KIF5A: variants seen among roughly 807,000 people sequenced by gnomAD.
KIF5A encodes the protein kinesin heavy chain isoform 5A.
A neutral mutation model predicts 141.3 loss-of-function variants in KIF5A; 35 were observed. The ratio of observed to expected loss-of-function variants is 0.25; its 90% CI spans 0.19 to 0.33. KIF5A has a LOEUF of 0.33. Ranked by LOEUF, KIF5A falls within the 10% of genes least tolerant of loss-of-function variation. The pLI, the probability that KIF5A is intolerant of heterozygous loss-of-function variation, is 1.00. For synonymous variants in KIF5A, 448 were observed against 500.2 expected (o/e 0.90, Z 1.39); for missense variants, 861 against 1,314.3 (o/e 0.66, Z 5.33).
rs1882301979 is a variant in KIF5A at position 57,572,922 on chromosome 12, G to C, written c.1716+196G>C. 6.6e-6 allele frequency among the ~76,000 whole-genome samples: 1 copy of C among 152,360 alleles called. No individual in the cohort carries two copies. The highest frequency in any genetic ancestry group is 1.9e-4 in the East Asian group (1 of 5,188). ...GATACATTCTAGGTTGGGCGCAGTG[G>C]CTCACCGCTGTAATCCCAGCACTTT... On this transcript the variant is annotated intron_variant, in intron 15 of 28. Transcript: ENST00000455537. This position sits in a 1 kb window ranked among gnomAD's most constrained non-coding sequence, Gnocchi z 4.2.
Position 57,572,332 on chromosome 12 carries a change from C to A in KIF5A, c.1569+65C>A, listed in dbSNP as rs1882281867. ...AGAACATCTCCCATGTCGAGGGGAC[C>A]TCTGCATCCTTCCAGGGCTGTATGG... is the stretch of plus-strand genomic sequence containing the variant. On this transcript the variant is annotated intron_variant, in intron 14 of 28. Transcript: ENST00000455537. This position sits in a 1 kb window ranked among gnomAD's most constrained non-coding sequence, Gnocchi z 4.2. 1 of 1,493,870 alleles carries A rather than the reference C, an allele frequency of 6.7e-7. No individual in the cohort carries two copies. Among genetic ancestry groups the A allele is most frequent in the Admixed American group, 2.0e-5 (1 of 50,966 alleles). 92.5% of individuals were successfully genotyped at this position (1,493,870 alleles called of 1,614,324 possible). A position where few individuals can be genotyped will look rare whatever the true frequency, so the allele number is the denominator to read the frequency against.
chr12:57,576,939 C>T (rs758782382), intron 20 of KIF5A, 77 bp downstream of exon 20: 49 of 1,043,868 alleles, frequency 4.7e-5, no homozygotes, highest in Non-Finnish European at 6.6e-5. Context: ...CTTGCAGAGG[C>T]AGGACACACA....
intron 5 of KIF5A, 43 bp downstream of exon 5, chr12:57,564,551 G>A (rs760381961): frequency 2.7e-6 from 4 of 1,469,742 alleles, no homozygotes; most frequent in South Asian, 2.3e-5. Flanking sequence ...TGAGGAGGGT[G>A]GAGAAAAGAA....
At chr12:57,578,122 C>T (rs756389697) in intron 22 of KIF5A, 42 bp downstream of exon 22, 2 of 1,591,682 alleles carry the variant, frequency 1.3e-6, no homozygotes, top group East Asian at 4.5e-5. Context: ...CCACATCCTC[C>T]TCCTATCCTT....
intron 9 of KIF5A, 34 bp from the exon 10 acceptor site, chr12:57,569,222 T>C (rs1386517499): frequency 8.7e-6 from 14 of 1,613,116 alleles, no homozygotes; most frequent in Admixed American, 3.3e-5. Context: ...TTTTATTTGT[T>C]TATTTCTGAT....
chr12:57,556,618 T>C (rs1019243104), intron 1 of KIF5A, among the ~76,000 whole-genome samples: 6 of 150,028 alleles, frequency 4.0e-5, no homozygotes, highest in Non-Finnish European at 5.9e-5. Flanking sequence ...TTCTAGATCC[T>C]GTAACTGGGA....
At chr12:57,582,759 C>A (rs1882645294) in intron 27 of KIF5A, 130 bp downstream of exon 27, 4 of 809,352 alleles carry the variant, frequency 4.9e-6, no homozygotes, top group South Asian at 1.4e-5. Context: ...TCATTCTTTT[C>A]ATCACTGTGT....
At chr12:57,577,890 A>G (rs970944549) in intron 21 of KIF5A, 117 bp downstream of exon 21, 7 of 1,254,942 alleles carry the variant, frequency 5.6e-6, no homozygotes, top group Non-Finnish European at 7.0e-6. Context: ...ATCAAGACAC[A>G]TTTTTTCCTA....
chr12:57,558,634 A>C (rs1881818219), intron 1 of KIF5A, among the ~76,000 whole-genome samples: 1 of 152,254 alleles, frequency 6.6e-6, no homozygotes. Context: ...AGATGGAGCC[A>C]CTGCACTCCA....
intron 1 of KIF5A, among the ~76,000 whole-genome samples, chr12:57,553,495 T>A (rs755019478): frequency 4.7e-4 from 71 of 152,028 alleles, no homozygotes; most frequent in Non-Finnish European, 7.2e-4. Context: ...GGGAGTCTCA[T>A]AAAGAAAAAT....
intron 15 of KIF5A, among the ~76,000 whole-genome samples, chr12:57,573,917 TAAA>T (rs916128853): frequency 6.7e-6 from 1 of 150,140 alleles, no homozygotes; most frequent in Non-Finnish European, 1.5e-5. Flanking sequence ...CTGTCTCTAC[TAAA>T]AAAATACAAA....
chr12:57,576,297 A>G lies in KIF5A; in HGVS notation c.2117A>G (p.His706Arg). The G allele has an allele frequency of 6.2e-7, 1 of 1,614,044 alleles. No homozygotes were observed. Residue 706 changes from histidine to arginine, a missense_variant, in exon 19 of 29, where the codon CAC (histidine) becomes CGC (arginine). By Grantham distance (29) the His-to-Arg change is conservative (BLOSUM62 0). Coordinates refer to ENST00000455537, the MANE Select transcript of KIF5A (RefSeq NM_004984.4). ...KKALELQMES[H>R]REAHHRQLAR... Reference sequence around the variant, plus strand: ...GCTCTGGAGCTGCAGATGGAGAGTCACCGGGAGGCCCATCACCGGCAGCTG... The same window carrying G: ...GCTCTGGAGCTGCAGATGGAGAGTCGCCGGGAGGCCCATCACCGGCAGCTG...
Position 57,563,492 on chromosome 12 carries a change from A to G in KIF5A, c.183A>G (p.Gln61=). Residue 61 remains glutamine, a synonymous_variant, in exon 2 of 29, where the codon CAA becomes CAG. Coordinates refer to ENST00000455537, the MANE Select transcript of KIF5A (RefSeq NM_004984.4). ...RVFPPNTTQE[Q]VYHACAMQIV... Reference sequence around the variant, plus strand: ...TCCCCCCAAACACGACTCAAGAGCAAGTTTATCATGCATGTGCCATGCAGA... The same window carrying G: ...TCCCCCCAAACACGACTCAAGAGCAGGTTTATCATGCATGTGCCATGCAGA... 6.2e-7 allele frequency: 1 copy of G among 1,613,950 alleles called. No homozygotes were observed. Among genetic ancestry groups the G allele is most frequent in the African/African-American group, 1.3e-5 (1 of 74,996 alleles).
rs982968739 is a variant in KIF5A at position 57,571,655 on chromosome 12, G to A, written c.1362+266G>A. Among the ~76,000 whole-genome samples, 13 of 151,112 alleles carry A rather than the reference G, an allele frequency of 8.6e-5. No individual in the cohort carries two copies. In the East Asian group the frequency reaches 2.2e-3, roughly 25 times the overall value. On this transcript the variant is annotated intron_variant, in intron 13 of 28. Coordinates refer to ENST00000455537, the MANE Select transcript of KIF5A (RefSeq NM_004984.4). ...GGCAATCTCAGCTCACTGCAGCCTCGATCTTCCAGGGTCAAGCAGTCCTCC... is the reference window on the plus strand; with the variant it reads ...GGCAATCTCAGCTCACTGCAGCCTCAATCTTCCAGGGTCAAGCAGTCCTCC...
At chr12:57,571,794 G>A (rs937621213) in intron 13 of KIF5A, among the ~76,000 whole-genome samples, 4 of 152,080 alleles carry the variant, frequency 2.6e-5, no homozygotes, top group African/African-American at 7.2e-5. Flanking sequence ...CCTGAGCTCA[G>A]GCAATGTGCC....
chr12:57,555,519 A>G (rs1157067100), intron 1 of KIF5A, among the ~76,000 whole-genome samples: 1 of 152,068 alleles, frequency 6.6e-6, no homozygotes, highest in Non-Finnish European at 1.5e-5. Context: ...TGAACCTGGG[A>G]GGCGGAGGTT....
At chr12:57,551,878 C>G (rs1594904898) in intron 1 of KIF5A, among the ~76,000 whole-genome samples, 1 of 62,360 alleles carries the variant, frequency 1.6e-5, no homozygotes, top group African/African-American at 8.9e-5. Context: ...TTTGGTCTCT[C>G]TCTCTCTCTC....
At chr12:57,582,986 A>G in intron 27 of KIF5A, 115 bp from the exon 28 acceptor site, 1 of 875,358 alleles carries the variant, frequency 1.1e-6, no homozygotes, top group Non-Finnish European at 1.9e-6. Context: ...CCTGTAAAAC[A>G]CAAATAGTCC....
In KIF5A at chr12:57,569,633, A is replaced by G; in HGVS notation, c.1067A>G (p.Gln356Arg). 6.2e-7 allele frequency: 1 copy of G among 1,614,120 alleles called. No homozygotes were observed. Among genetic ancestry groups the G allele is most frequent in the Non-Finnish European group, 8.5e-7 (1 of 1,180,034 alleles). ...AAGGAGAAGGAGAAGACAAAGGCCCAGAAGGAGACGATTGCGAAGCTGGAG... is the reference window on the plus strand; with the variant it reads ...AAGGAGAAGGAGAAGACAAAGGCCCGGAAGGAGACGATTGCGAAGCTGGAG... ...YEKEKEKTKA[Q>R]KETIAKLEAE... Residue 356 changes from glutamine to arginine, a missense_variant, in exon 11 of 29, where the codon CAG becomes CGG. Gln to Arg is a conservative substitution (Grantham distance 43). Coordinates refer to ENST00000455537, the MANE Select transcript of KIF5A (RefSeq NM_004984.4).
Sources: allele counts gnomAD v4.1 joint callset (sites outside exome capture counted in the v4.1 genomes callset), GRCh38; gene constraint gnomAD v4.1.1; non-coding constraint Gnocchi (gnomAD v3.1); transcripts MANE v1.5; gene names NCBI Gene and HGNC (gene_info 2026-07-23, HGNC 2026-07-21).